The following FAM78B variants were observed in gnomAD, a reference collection of about 807,000 sequenced individuals.
FAM78B encodes the protein protein FAM78B.
Under a neutral mutation model 20.0 loss-of-function variants are expected in FAM78B, and 10 were observed. The observed-to-expected ratio is 0.50, with a 90% CI of 0.31 to 0.85. The LOEUF is 0.85. Among genes scored for constraint, FAM78B ranks in the 40% least tolerant of loss-of-function variants. The probability of loss-of-function intolerance (pLI) is 0.05; values close to 1 mark genes in which losing one functional copy is unlikely to be tolerated. For synonymous variants in FAM78B, 135 were observed against 132.8 expected, an observed-to-expected ratio of 1.02 and a Z score of -0.12; for missense variants, 283 against 345.0, an observed-to-expected ratio of 0.82 and a Z score of 1.42.
chr1:166,090,868 A>ACT (rs1215603952), intron 1 of FAM78B, among the ~76,000 whole-genome samples: 2 of 152,166 alleles, frequency 1.3e-5, no homozygotes, highest in East Asian at 3.9e-4. Context: ...TTGAGGGCTT[A>ACT]CTCTGTGCAG....
Position 166,070,598 on chromosome 1 carries a change from G to A in FAM78B, c.429C>T (p.Tyr143=). 1 of 1,613,762 alleles carries A rather than the reference G, an allele frequency of 6.2e-7. No homozygotes were observed. The highest frequency in any genetic ancestry group is 1.7e-5 in the Admixed American group (1 of 60,024). The change falls in exon 2 of 2, where the codon TAC becomes TAT. Residue 143 remains tyrosine, a synonymous_variant. Transcript: ENST00000354422. ...RFSVSMNDNF[Y]PSVTWAVPVS... is the part of the protein sequence containing the mutation. Reference sequence around the variant, plus strand: ...CAGGCACTGCCCATGTCACACTGGGGTAGAAGTTGTCATTCATGCTGACGG... The same window carrying A: ...CAGGCACTGCCCATGTCACACTGGGATAGAAGTTGTCATTCATGCTGACGG...
chr1:166,166,436 C>T lies in FAM78B; in HGVS notation c.-188G>A, dbSNP rs1656393575. 2 of 301,614 alleles carry T rather than the reference C, an allele frequency of 6.6e-6. No homozygotes were observed. Among genetic ancestry groups the T allele is most frequent in the Non-Finnish European group, 5.0e-6 (1 of 201,646 alleles). 18.7% of individuals were successfully genotyped at this position (301,614 alleles called of 1,614,324 possible). ...CCCTCCTCTTGCAGCCGCGCGGGGT[C>T]CCCGCTGCCCCGACGTCCGCCCACG... On this transcript the variant is annotated 5_prime_UTR_variant, in exon 1 of 2. Transcript: ENST00000354422.
intron 1 of FAM78B, among the ~76,000 whole-genome samples, chr1:166,102,070 A>T (rs1653550698): frequency 6.6e-6 from 1 of 152,200 alleles, no homozygotes; most frequent in Non-Finnish European, 1.5e-5. Context: ...TTCTTAAGGA[A>T]AATAATTTTC....
At chr1:166,144,777 G>A (rs1655400720) in intron 1 of FAM78B, among the ~76,000 whole-genome samples, 1 of 152,010 alleles carries the variant, frequency 6.6e-6, no homozygotes, top group Non-Finnish European at 1.5e-5. Flanking sequence ...CACATCAAAG[G>A]TATAGAGCCC....
downstream of FAM78B, among the ~76,000 whole-genome samples, chr1:166,056,231 A>G (rs1167870300): frequency 3.3e-5 from 5 of 151,938 alleles, no homozygotes; most frequent in Non-Finnish European, 5.9e-5. Context: ...TTTTATTTCA[A>G]TATCTGGGTC....
chr1:166,148,704 C>G (rs181056307), intron 1 of FAM78B, among the ~76,000 whole-genome samples: 3 of 152,340 alleles, frequency 2.0e-5, no homozygotes, highest in Non-Finnish European at 2.9e-5. Flanking sequence ...CCTGTGCTGT[C>G]ACTTTGAGCC....
At chr1:166,135,258 G>A (rs1038980933) in intron 1 of FAM78B, among the ~76,000 whole-genome samples, 43 of 152,220 alleles carry the variant, frequency 2.8e-4, no homozygotes, top group Admixed American at 2.6e-4. Context: ...GGGCAGGAAT[G>A]TATAAACTAT....
exon 3 of FAM78B, chr1:166,058,328 G>A (rs1438863860): frequency 6.6e-6 from 1 of 152,310 alleles, no homozygotes; most frequent in Non-Finnish European, 1.5e-5. Context: ...ACATAGGGCA[G>A]GGACATTTGG....
chr1:166,152,291 G>A (rs1423178842), intron 1 of FAM78B, among the ~76,000 whole-genome samples: 1 of 152,198 alleles, frequency 6.6e-6, no homozygotes, highest in Non-Finnish European at 1.5e-5. Flanking sequence ...AGGGATGGGA[G>A]CAGCTGCTAA....
intron 1 of FAM78B, among the ~76,000 whole-genome samples, chr1:166,109,896 A>ATATATATATGTATATATGTATG (rs1653975521): frequency 1.7e-5 from 1 of 59,954 alleles, no homozygotes; most frequent in Admixed American, 2.3e-4. Context: ...ATATGTATAT[A>ATATATATATGTATATATGTATG]TATATATATA....
intron 1 of FAM78B, among the ~76,000 whole-genome samples, chr1:166,122,844 T>C (rs1264201697): frequency 6.6e-6 from 1 of 152,158 alleles, no homozygotes; most frequent in Non-Finnish European, 1.5e-5. Flanking sequence ...CACCTTCTCC[T>C]CCTCCCTCCT....
intron 1 of FAM78B, among the ~76,000 whole-genome samples, chr1:166,165,778 G>A (rs1054386279): frequency 6.6e-6 from 1 of 152,038 alleles, no homozygotes; most frequent in Admixed American, 6.5e-5. Context: ...AGCAAACCAC[G>A]AGAAAATGCC....
intron 1 of FAM78B, among the ~76,000 whole-genome samples, chr1:166,075,063 G>C (rs957502761): frequency 6.6e-6 from 1 of 152,202 alleles, no homozygotes; most frequent in African/African-American, 2.4e-5. Flanking sequence ...ACTGCTGGCG[G>C]GGCAGGGTAG....
At chr1:166,162,855 C>T (rs148148733) in intron 1 of FAM78B, among the ~76,000 whole-genome samples, 54 of 152,266 alleles carry the variant, frequency 3.5e-4, no homozygotes, top group South Asian at 8.3e-4. Context: ...TTTCCTACCT[C>T]CATATTTTTG....
chr1:166,165,587 G>GCACTC (rs962773515), intron 1 of FAM78B, among the ~76,000 whole-genome samples: 20 of 152,204 alleles, frequency 1.3e-4, no homozygotes, highest in Non-Finnish European at 2.5e-4. Flanking sequence ...TGCGCCCCCG[G>GCACTC]CACTCCACTC....
At chr1:166,149,166 G>C (rs980712477) in intron 1 of FAM78B, among the ~76,000 whole-genome samples, 1 of 152,130 alleles carries the variant, frequency 6.6e-6, no homozygotes, top group Admixed American at 6.5e-5. Context: ...ACCCAGTAAT[G>C]GGATGGCTGG....
chr1:166,144,615 T>C (rs1466149461), intron 1 of FAM78B, among the ~76,000 whole-genome samples: 2 of 151,724 alleles, frequency 1.3e-5, no homozygotes, highest in Non-Finnish European at 2.9e-5. Flanking sequence ...GGGGGCAGAG[T>C]GAGGTCCCCA....
chr1:166,150,208 T>G (rs1364259140), intron 1 of FAM78B, among the ~76,000 whole-genome samples: 1 of 151,978 alleles, frequency 6.6e-6, no homozygotes, highest in Non-Finnish European at 1.5e-5. Context: ...TGGGACAACG[T>G]GCTGGACTCT....
intron 1 of FAM78B, among the ~76,000 whole-genome samples, chr1:166,089,615 AG>A (rs75136414): frequency 0.028 from 4,203 of 152,134 alleles, 261 homozygotes; most frequent in Admixed American, 0.14. Context: ...TGAGGCTCCT[AG>A]GAAGGGGAAG....
Sources: gnomAD v4.1 joint callset for allele counts (sites outside exome capture counted in the v4.1 genomes callset) on GRCh38, gnomAD v4.1.1 for gene constraint, MANE v1.5 for transcripts, NCBI Gene and HGNC (gene_info 2026-07-23, HGNC 2026-07-21) for gene names.